Variants in MUSK observed in about 807,000 individuals in gnomAD.
MUSK encodes muscle associated receptor tyrosine kinase.
A neutral mutation model predicts 88.7 loss-of-function variants in MUSK; 55 were observed. The observed-to-expected ratio is 0.62, with a 90% CI of 0.50 to 0.78. The LOEUF is 0.78. Ranked by LOEUF, MUSK falls within the 30% of genes least tolerant of loss-of-function variation. The pLI is 0.00. For synonymous variants in MUSK, 387 were observed against 391.9 expected, an observed-to-expected ratio of 0.99 and a Z score of 0.15; for missense variants, 1,015 against 1,074.3, an observed-to-expected ratio of 0.94 and a Z score of 0.77.
rs34924295 is a variant in MUSK at position 110,797,162 on chromosome 9, C to CAAA, written c.1928-3120_1928-3118dup. 1.9e-3 allele frequency among the ~76,000 whole-genome samples: 32 copies of CAAA among 16,812 alleles called. 3 individuals are homozygous for CAAA. The highest frequency in any genetic ancestry group is 4.1e-3 in the East Asian group (2 of 486). 11.0% of individuals were successfully genotyped at this position (16,812 alleles called of 152,430 possible). On this transcript the variant is annotated intron_variant, in intron 14 of 14. Transcript: ENST00000374448. The stretch of plus-strand genomic sequence containing the variant: ...AATAAAAAATAAATGCATGAATACC[C>CAAA]AAAAAAAAAAAAAAAAAAAAAAAAA...
At chr9:110,693,527 C>A (rs2076385837) in intron 3 of MUSK, among the ~76,000 whole-genome samples, 1 of 152,210 alleles carries the variant, frequency 6.6e-6, no homozygotes, top group Non-Finnish European at 1.5e-5. Flanking sequence ...ATACTTCCAG[C>A]ATCCTGCTTT....
At chr9:110,697,522 G>A in intron 5 of MUSK, 56 bp downstream of exon 5, 1 of 1,555,232 alleles carries the variant, frequency 6.4e-7, no homozygotes, top group Non-Finnish European at 8.7e-7. Flanking sequence ...ACTGTCTACT[G>A]TGAAGGCTGC....
At chr9:110,694,480 T>C (rs148228611) in intron 3 of MUSK, among the ~76,000 whole-genome samples, 90 of 149,746 alleles carry the variant, frequency 6.0e-4, no homozygotes, top group African/African-American at 2.0e-3. Context: ...AAAGCCCCCA[T>C]TCCTCTCCCT....
intron 5 of MUSK, among the ~76,000 whole-genome samples, chr9:110,713,681 G>A (rs913319684): frequency 9.2e-5 from 14 of 152,270 alleles, no homozygotes; most frequent in Non-Finnish European, 2.1e-4. Flanking sequence ...TTACAGAAAT[G>A]TTCCCAACCC....
chr9:110,746,679 T>G (rs2077178138), intron 6 of MUSK, among the ~76,000 whole-genome samples: 1 of 152,224 alleles, frequency 6.6e-6, no homozygotes, highest in Admixed American at 6.5e-5. Context: ...AAGTAGTACC[T>G]CCTGCATGAA....
At chr9:110,752,358 G>A (rs1455741038) in intron 7 of MUSK, among the ~76,000 whole-genome samples, 2 of 152,140 alleles carry the variant, frequency 1.3e-5, no homozygotes, top group Non-Finnish European at 1.5e-5. Context: ...TTTCATTCAG[G>A]GTCATTTGAA....
At chr9:110,726,739 G>C (rs2131819577) in intron 5 of MUSK, among the ~76,000 whole-genome samples, 1 of 152,118 alleles carries the variant, frequency 6.6e-6, no homozygotes, top group East Asian at 1.9e-4. Flanking sequence ...GAGAGAGAGG[G>C]AGAGAGTTTT....
At chr9:110,703,849 A>G (rs1049232908) in intron 5 of MUSK, among the ~76,000 whole-genome samples, 2 of 152,226 alleles carry the variant, frequency 1.3e-5, no homozygotes, top group African/African-American at 4.8e-5. Flanking sequence ...TCCAGCATTG[A>G]TGAAAGACTT....
intron 5 of MUSK, among the ~76,000 whole-genome samples, chr9:110,725,201 A>T (rs1349562858): frequency 6.6e-6 from 1 of 152,064 alleles, no homozygotes; most frequent in Non-Finnish European, 1.5e-5. Context: ...GGGAGCTAAG[A>T]TAATGAGGAT....
chr9:110,726,743 G>A (rs932431643), intron 5 of MUSK, among the ~76,000 whole-genome samples: 2 of 152,012 alleles, frequency 1.3e-5, no homozygotes, highest in Non-Finnish European at 2.9e-5. Context: ...GAGAGGGAGA[G>A]AGTTTTTGTT....
intron 5 of MUSK, among the ~76,000 whole-genome samples, chr9:110,719,656 C>T (rs868081509): frequency 6.6e-6 from 1 of 152,058 alleles, no homozygotes; most frequent in Non-Finnish European, 1.5e-5. Context: ...GACTTTAATA[C>T]TACACTGATA....
intron 5 of MUSK, among the ~76,000 whole-genome samples, chr9:110,702,937 T>C (rs920801499): frequency 1.3e-5 from 2 of 151,568 alleles, no homozygotes; most frequent in African/African-American, 4.8e-5. Context: ...ACATAAAACA[T>C]TGGTTCCAGG....
At chr9:110,699,763 T>C (rs149992495) in intron 5 of MUSK, among the ~76,000 whole-genome samples, 1 of 152,196 alleles carries the variant, frequency 6.6e-6, no homozygotes, top group East Asian at 1.9e-4. Context: ...AGCATATGTA[T>C]GTATCAAGTC....
intron 2 of MUSK, among the ~76,000 whole-genome samples, chr9:110,685,343 T>C (rs1371550049): frequency 6.6e-6 from 1 of 152,168 alleles, no homozygotes; most frequent in Non-Finnish European, 1.5e-5. Flanking sequence ...TTCTAATGTA[T>C]TGTTGAATTT....
chr9:110,672,547 T>G (rs1471886598), intron 1 of MUSK, among the ~76,000 whole-genome samples: 1 of 152,130 alleles, frequency 6.6e-6, no homozygotes, highest in African/African-American at 2.4e-5. Context: ...TGGAGTTATA[T>G]GGCAGCGTAC....
At chr9:110,762,090 G>T in intron 7 of MUSK, 112 bp from the exon 8 acceptor site, 1 of 1,070,712 alleles carries the variant, frequency 9.3e-7, no homozygotes, top group Admixed American at 3.3e-5. Flanking sequence ...GAAACTTAGA[G>T]ATCAGTAGTA....
chr9:110,786,864 G>A (rs1312074977), intron 13 of MUSK, among the ~76,000 whole-genome samples: 4 of 152,032 alleles, frequency 2.6e-5, no homozygotes, highest in East Asian at 3.9e-4. Context: ...CTGGCACTTC[G>A]GCCTGGTGCT....
chr9:110,689,265 GTA>G (rs2076248811), intron 3 of MUSK, among the ~76,000 whole-genome samples: 1 of 109,578 alleles, frequency 9.1e-6, no homozygotes, highest in South Asian at 2.6e-4. Context: ...TTTATATATT[GTA>G]TAGTTATATT....
At chr9:110,734,846 A>C (rs867005291) in intron 6 of MUSK, among the ~76,000 whole-genome samples, 1 of 152,108 alleles carries the variant, frequency 6.6e-6, no homozygotes, top group African/African-American at 2.4e-5. Context: ...CTTTACCTAC[A>C]TACATTTATT....
Sources: allele counts gnomAD v4.1 joint callset (sites outside exome capture counted in the v4.1 genomes callset), GRCh38; gene constraint gnomAD v4.1.1; transcripts MANE v1.5; gene names NCBI Gene and HGNC (gene_info 2026-07-23, HGNC 2026-07-21).